The following HS6ST3 variants were observed in gnomAD, a reference collection of about 807,000 sequenced individuals.
HS6ST3 encodes heparan sulfate 6-O-sulfotransferase 3.
In HS6ST3, 12 loss-of-function variants were observed where a neutral mutation model predicts 36.7. The observed-to-expected ratio is 0.33, with a 90% confidence interval of 0.21 to 0.53. The LOEUF (loss-of-function observed/expected upper bound fraction) is 0.53. HS6ST3 is among the 20% of genes least tolerant of loss of function. HS6ST3 has a pLI of 0.95. For missense variants in HS6ST3, 584 were observed against 640.9 expected, an observed-to-expected ratio of 0.91 and a Z score of 0.96; for synonymous variants, 240 against 257.5, an observed-to-expected ratio of 0.93 and a Z score of 0.65.
intron 1 of HS6ST3, among the ~76,000 whole-genome samples, chr13:96,748,326 G>A (rs1185813397): frequency 2.0e-5 from 3 of 152,040 alleles, no homozygotes; most frequent in Admixed American, 1.3e-4. Flanking sequence ...CTTAGGTCAG[G>A]CTTGTCTACC....
At chr13:96,773,673 C>G (rs963630018) in intron 1 of HS6ST3, among the ~76,000 whole-genome samples, 1 of 152,164 alleles carries the variant, frequency 6.6e-6, no homozygotes, top group Admixed American at 6.5e-5. Flanking sequence ...GGCAGCATCC[C>G]CAGTCAGGGG....
chr13:96,400,155 T>TCACACACACACACACACACA (rs55957302), intron 1 of HS6ST3, among the ~76,000 whole-genome samples: 11 of 145,468 alleles, frequency 7.6e-5, no homozygotes, highest in African/African-American at 2.8e-4. Flanking sequence ...AGTGCTGAAA[T>TCACACACACACACACACACA]CACACACACA....
intron 1 of HS6ST3, among the ~76,000 whole-genome samples, chr13:96,216,500 T>C (rs2054426658): frequency 6.6e-6 from 1 of 152,140 alleles, no homozygotes; most frequent in South Asian, 2.1e-4. Context: ...AGGGTGGAGT[T>C]TTAATTTTGA....
chr13:96,444,163 T>A (rs1465034259), intron 1 of HS6ST3, among the ~76,000 whole-genome samples: 1 of 152,218 alleles, frequency 6.6e-6, no homozygotes, highest in African/African-American at 2.4e-5. Flanking sequence ...TCTGGACTAC[T>A]TTCTTTTAAA....
At chr13:96,614,652 A>G (rs1395201125) in intron 1 of HS6ST3, among the ~76,000 whole-genome samples, 1 of 152,240 alleles carries the variant, frequency 6.6e-6, no homozygotes, top group African/African-American at 2.4e-5. Context: ...AGTAAATTCT[A>G]TGAGGCTTTT....
intron 1 of HS6ST3, among the ~76,000 whole-genome samples, chr13:96,526,963 G>A (rs3848011): frequency 0.98 from 149,101 of 152,344 alleles, 73,052 homozygotes; most frequent in East Asian, 1. Context: ...TAGTGAATAC[G>A]TATTGAAATT....
At chr13:96,469,369 A>G (rs886176226) in intron 1 of HS6ST3, among the ~76,000 whole-genome samples, 1 of 151,994 alleles carries the variant, frequency 6.6e-6, no homozygotes, top group Non-Finnish European at 1.5e-5. Flanking sequence ...TATTTTTGGA[A>G]GTTCCTATCA....
chr13:96,654,797 G>A (rs2056619141), intron 1 of HS6ST3, among the ~76,000 whole-genome samples: 1 of 152,090 alleles, frequency 6.6e-6, no homozygotes, highest in South Asian at 2.1e-4. Context: ...AAAGATGTCT[G>A]TAGTGAAGCA....
intron 1 of HS6ST3, among the ~76,000 whole-genome samples, chr13:96,751,556 G>C (rs1399646602): frequency 6.6e-6 from 1 of 152,140 alleles, no homozygotes; most frequent in Non-Finnish European, 1.5e-5. Flanking sequence ...CAAGTTTGCA[G>C]TAATTTGTTA....
chr13:96,362,024 A>C (rs2055241213), intron 1 of HS6ST3, among the ~76,000 whole-genome samples: 1 of 152,204 alleles, frequency 6.6e-6, no homozygotes, highest in Non-Finnish European at 1.5e-5. Flanking sequence ...CCTCCCCGTG[A>C]TCCTGATGCA....
At chr13:96,633,731 G>A (rs1345987716) in intron 1 of HS6ST3, among the ~76,000 whole-genome samples, 1 of 152,092 alleles carries the variant, frequency 6.6e-6, no homozygotes, top group Non-Finnish European at 1.5e-5. Context: ...AGATTCATAC[G>A]TTGATGTATG....
chr13:96,713,796 A>T (rs1311725214), intron 1 of HS6ST3, among the ~76,000 whole-genome samples: 2 of 152,138 alleles, frequency 1.3e-5, no homozygotes, highest in African/African-American at 4.8e-5. Flanking sequence ...TTTATATGTA[A>T]ATACATATAT....
At chr13:96,445,497 T>C (rs1466711662) in intron 1 of HS6ST3, among the ~76,000 whole-genome samples, 1 of 151,872 alleles carries the variant, frequency 6.6e-6, no homozygotes, top group Non-Finnish European at 1.5e-5. Flanking sequence ...TATTAAACAC[T>C]CTACATTAAC....
chr13:96,670,422 G>A (rs2056679065), intron 1 of HS6ST3, among the ~76,000 whole-genome samples: 1 of 152,124 alleles, frequency 6.6e-6, no homozygotes, highest in African/African-American at 2.4e-5. Context: ...CAGGGTGAGA[G>A]CAGAGGGGAT....
At chr13:96,810,978 C>A (rs2138534974) in intron 1 of HS6ST3, among the ~76,000 whole-genome samples, 1 of 152,110 alleles carries the variant, frequency 6.6e-6, no homozygotes, top group East Asian at 1.9e-4. Context: ...ACAATAGAGA[C>A]CATCCAAAAA....
At chr13:96,133,256 T>C (rs2053984994) in intron 1 of HS6ST3, among the ~76,000 whole-genome samples, 1 of 152,044 alleles carries the variant, frequency 6.6e-6, no homozygotes, top group South Asian at 2.1e-4. Flanking sequence ...AGCCTCCGAG[T>C]AGCTGGGATT....
rs148671477 is a variant in HS6ST3 at position 96,279,354 on chromosome 13, C to T, written c.707+187785C>T. 8.7e-4 allele frequency among the ~76,000 whole-genome samples: 132 copies of T among 152,098 alleles called. 2 individuals are homozygous for T. The East Asian group carries it at 0.019, about 22-fold the overall frequency. On this transcript the variant is annotated intron_variant, in intron 1 of 1. Coordinates refer to ENST00000376705, the MANE Select transcript of HS6ST3 (RefSeq NM_153456.4). ...TTGAACACATACTATACGCTGGGTA[C>T]GGTGTATATTTTGGTAAACAAGGTA...
At chr13:96,206,254 A>G (rs1050527200) in intron 1 of HS6ST3, among the ~76,000 whole-genome samples, 2 of 152,236 alleles carry the variant, frequency 1.3e-5, no homozygotes, top group Admixed American at 6.5e-5. Context: ...ACAGCTAACT[A>G]GGGAAGTGAA....
At chr13:96,658,446 A>C (rs2056634709) in intron 1 of HS6ST3, among the ~76,000 whole-genome samples, 1 of 149,998 alleles carries the variant, frequency 6.7e-6, no homozygotes, top group Non-Finnish European at 1.5e-5. Context: ...ACGCCTGGCT[A>C]ATTTTTTAAT....
Sources: gnomAD v4.1 joint callset for allele counts (sites outside exome capture counted in the v4.1 genomes callset) on GRCh38, gnomAD v4.1.1 for gene constraint, MANE v1.5 for transcripts, NCBI Gene and HGNC (gene_info 2026-07-23, HGNC 2026-07-21) for gene names.